Variants in C1QTNF2 observed in about 807,000 individuals in gnomAD.
C1QTNF2 encodes the protein complement C1q tumor necrosis factor-related protein 2.
In C1QTNF2, 15 loss-of-function variants were observed where a neutral mutation model predicts 17.4. The ratio of observed to expected loss-of-function variants is 0.86; its 90% CI spans 0.58 to 1.33. The LOEUF (loss-of-function observed/expected upper bound fraction) is 1.33. Among genes scored for constraint, C1QTNF2 ranks in the 40% most tolerant of loss-of-function variants. The pLI, the probability that C1QTNF2 is intolerant of heterozygous loss-of-function variation, is 0.00. For synonymous variants in C1QTNF2, 154 were observed against 163.3 expected (o/e 0.94, Z 0.44); for missense variants, 381 against 392.3 (o/e 0.97, Z 0.24).
At chr5:160,351,626 A>T (rs1763924116) in intron 2 of C1QTNF2, among the ~76,000 whole-genome samples, 1 of 152,190 alleles carries the variant, frequency 6.6e-6, no homozygotes, top group African/African-American at 2.4e-5. Context: ...AAATATATAG[A>T]AAAAGGCCAG....
At chr5:160,360,050 T>C (rs1414597684) in intron 1 of C1QTNF2, among the ~76,000 whole-genome samples, 1 of 152,176 alleles carries the variant, frequency 6.6e-6, no homozygotes, top group African/African-American at 2.4e-5. Flanking sequence ...GCTGGCTCTT[T>C]ATCTGCTGTA....
At chr5:160,351,912 T>C (rs1022897280) in intron 2 of C1QTNF2, among the ~76,000 whole-genome samples, 11 of 142,828 alleles carry the variant, frequency 7.7e-5, no homozygotes, top group Non-Finnish European at 1.5e-4. Flanking sequence ...GACAGAATCT[T>C]TTTTTTTTTT....
At chr5:160,365,462 A>G (rs1312581015) in intron 1 of C1QTNF2, among the ~76,000 whole-genome samples, 1 of 152,128 alleles carries the variant, frequency 6.6e-6, no homozygotes, top group Non-Finnish European at 1.5e-5. Context: ...CTATAATCCT[A>G]GCACTTTGGG....
chr5:160,363,500 C>T (rs780658460), intron 1 of C1QTNF2, among the ~76,000 whole-genome samples: 3 of 152,214 alleles, frequency 2.0e-5, no homozygotes, highest in Non-Finnish European at 4.4e-5. Context: ...GATCCAAGGA[C>T]ACATCATGAT....
intron 1 of C1QTNF2, among the ~76,000 whole-genome samples, chr5:160,359,956 C>A (rs76407650): frequency 0.018 from 2,682 of 152,236 alleles, 81 homozygotes; most frequent in African/African-American, 0.062. Flanking sequence ...ACCCACCCCC[C>A]CTACCTTTTC....
intron 1 of C1QTNF2, among the ~76,000 whole-genome samples, chr5:160,366,223 C>T (rs1764245290): frequency 6.6e-6 from 1 of 152,104 alleles, no homozygotes; most frequent in Non-Finnish European, 1.5e-5. Flanking sequence ...TCCATTCGGC[C>T]CGTGAGCTTT....
At chr5:160,370,455 C>T (rs1764333652) in intron 1 of C1QTNF2, 57 bp downstream of exon 1, 2 of 1,379,438 alleles carry the variant, frequency 1.4e-6, no homozygotes, top group East Asian at 3.0e-5. Flanking sequence ...AGTCCTCCTC[C>T]TCCTCCTCCC....
intron 1 of C1QTNF2, among the ~76,000 whole-genome samples, chr5:160,361,052 A>G (rs1414859783): frequency 6.6e-6 from 1 of 152,086 alleles, no homozygotes; most frequent in Non-Finnish European, 1.5e-5. Context: ...CCTCGCCTCA[A>G]AGTGCTGGGA....
At chr5:160,359,774 G>T (rs1764118534) in intron 1 of C1QTNF2, among the ~76,000 whole-genome samples, 1 of 152,148 alleles carries the variant, frequency 6.6e-6, no homozygotes, top group South Asian at 2.1e-4. Context: ...GAGTTTCCAA[G>T]GCCTGAACCA....
chr5:160,354,887 TG>T lies in C1QTNF2; in HGVS notation c.124del (p.Gln42ArgfsTer15). The T allele has an allele frequency of 1.2e-6, 2 of 1,605,806 alleles. No individual in the cohort carries two copies. The highest frequency in any genetic ancestry group is 1.7e-6 in the Non-Finnish European group (2 of 1,176,554). On this transcript the variant is annotated frameshift_variant, in exon 2 of 3. Coordinates refer to ENST00000652664, the MANE Select transcript of C1QTNF2 (RefSeq NM_031908.6). LOFTEE classifies it high-confidence loss of function. ...PQLVCSLPGPQGPPGPPGAPG... is the reference protein window; with the variant it reads ...PQLVCSLPGPXGPPGPPGAPG... ...GGCTCCTGGGGGGCCGGGTGGGCCC[TG>T]GGGGCCAGGCAGGCTGCAGACCAGT... is the stretch of plus-strand genomic sequence containing the variant.
chr5:160,370,039 G>T (rs1764320991), intron 1 of C1QTNF2, among the ~76,000 whole-genome samples: 1 of 152,170 alleles, frequency 6.6e-6, no homozygotes, highest in Non-Finnish European at 1.5e-5. Context: ...AACTGTGATT[G>T]TTAGCTCGGG....
At chr5:160,360,462 A>G (rs914215251) in intron 1 of C1QTNF2, among the ~76,000 whole-genome samples, 14 of 152,168 alleles carry the variant, frequency 9.2e-5, no homozygotes, top group African/African-American at 3.4e-4. Flanking sequence ...TCTAACCCGA[A>G]TCAGATCAAA....
At chr5:160,351,654 C>G (rs997859645) in intron 2 of C1QTNF2, among the ~76,000 whole-genome samples, 4 of 151,898 alleles carry the variant, frequency 2.6e-5, no homozygotes, top group African/African-American at 9.7e-5. Context: ...ACATACCTAA[C>G]CAATTAATAG....
intron 2 of C1QTNF2, among the ~76,000 whole-genome samples, chr5:160,352,964 C>T (rs982791015): frequency 6.6e-6 from 1 of 152,162 alleles, no homozygotes; most frequent in African/African-American, 2.4e-5. Context: ...ATCTTTACCA[C>T]AACCTTGTGA....
chr5:160,357,202 C>A (rs1764067368), intron 1 of C1QTNF2, among the ~76,000 whole-genome samples: 1 of 152,200 alleles, frequency 6.6e-6, no homozygotes, highest in African/African-American at 2.4e-5. Context: ...TTGCCCGTTT[C>A]ACACCTTCAC....
intron 2 of C1QTNF2, among the ~76,000 whole-genome samples, chr5:160,353,788 CTTTTTTTTTTTTTTTTTTTTTT>C (rs200777932): frequency 2.3e-5 from 2 of 85,976 alleles, no homozygotes; most frequent in Non-Finnish European, 4.2e-5. Flanking sequence ...ACTTCTCAGG[CTTTTTTTTTTTTTTTTTTTTTT>C]TTTTTTTTTT....
In C1QTNF2 at chr5:160,366,983, C is replaced by T. The variant is rs542475507; in HGVS notation, c.-10+3529G>A. 1.1e-3 allele frequency among the ~76,000 whole-genome samples: 162 copies of T among 146,892 alleles called. 1 individual carries two copies. The highest frequency in any genetic ancestry group is 2.1e-3 in the Non-Finnish European group (142 of 67,328). On this transcript the variant is annotated intron_variant, in intron 1 of 2. Coordinates refer to ENST00000652664, the MANE Select transcript of C1QTNF2 (RefSeq NM_031908.6). ...AGGCTGCAGTGAACAGAGATTGTGC[C>T]GCTGCACTTCAATCTGGGCAACAGA... is the stretch of plus-strand genomic sequence containing the variant.
At chr5:160,358,927 C>A (rs765038705) in intron 1 of C1QTNF2, among the ~76,000 whole-genome samples, 4 of 152,024 alleles carry the variant, frequency 2.6e-5, no homozygotes, top group Admixed American at 6.5e-5. Flanking sequence ...ACTATAGGAG[C>A]GTGCCACCAT....
intron 1 of C1QTNF2, among the ~76,000 whole-genome samples, chr5:160,360,434 TC>T (rs1397068763): frequency 1.3e-5 from 2 of 152,212 alleles, no homozygotes; most frequent in Non-Finnish European, 2.9e-5. Flanking sequence ...ACAAATCTGT[TC>T]TTTTTTCCTC....
Sources: allele counts gnomAD v4.1 joint callset (sites outside exome capture counted in the v4.1 genomes callset), GRCh38; gene constraint gnomAD v4.1.1; transcripts MANE v1.5; gene names NCBI Gene and HGNC (gene_info 2026-07-23, HGNC 2026-07-21).